Variants in UBR1 observed in about 807,000 individuals in gnomAD.
UBR1 encodes ubiquitin protein ligase E3 component n-recognin 1, also known as E3 ubiquitin-protein ligase UBR1.
UBR1 carries 102 observed loss-of-function variants against 242.1 expected under a neutral mutation model. That is an observed-to-expected ratio of 0.42 (90% confidence interval 0.36 to 0.50). The LOEUF (loss-of-function observed/expected upper bound fraction) is 0.50, where lower values mean the gene tolerates loss of function less well. Among genes scored for constraint, UBR1 ranks in the 20% least tolerant of loss-of-function variants. UBR1 has a pLI of 0.01. For synonymous variants in UBR1, 675 were observed against 684.8 expected (o/e 0.99, Z 0.22); for missense variants, 1,772 against 2,101.8 (o/e 0.84, Z 3.07).
intron 44 of UBR1, 77 bp downstream of exon 44, chr15:42,957,936 T>C: frequency 1.7e-6 from 2 of 1,204,712 alleles, no homozygotes; most frequent in South Asian, 2.6e-5. Flanking sequence ...AGGAAGTGTG[T>C]TAGTTATGGC....
intron 5 of UBR1, among the ~76,000 whole-genome samples, chr15:43,069,281 A>ATT (rs772816969): frequency 1.4e-5 from 2 of 142,842 alleles, no homozygotes; most frequent in Non-Finnish European, 3.1e-5. Context: ...TGTGTTCAGT[A>ATT]TTTTTTTTTT....
chr15:43,027,875 C>CACAGAGAGGTGGAAGT, intron 21 of UBR1, 47 bp from the exon 22 acceptor site: 1 of 1,432,986 alleles, frequency 7.0e-7, no homozygotes, highest in Non-Finnish European at 9.8e-7. Context: ...ATAATGACTT[C>CACAGAGAGGTGGAAGT]CACCTCTCTG....
chr15:43,019,819 T>C (rs1228935619), intron 27 of UBR1, among the ~76,000 whole-genome samples: 2 of 151,004 alleles, frequency 1.3e-5, no homozygotes, highest in Non-Finnish European at 3.0e-5. Context: ...TTGGCCAGGC[T>C]GGTCTTGAAC....
intron 32 of UBR1, among the ~76,000 whole-genome samples, chr15:42,999,968 G>GT (rs923106805): frequency 1.3e-4 from 19 of 151,926 alleles, no homozygotes; most frequent in East Asian, 1.9e-4. Context: ...GACCTAAGAA[G>GT]TTTTTTTTGT....
intron 17 of UBR1, 96 bp downstream of exon 17, chr15:43,037,677 C>T (rs2033354819): frequency 1.0e-6 from 1 of 1,000,144 alleles, no homozygotes; most frequent in Non-Finnish European, 1.6e-6. Flanking sequence ...GTAACATACA[C>T]TCAGTAAAAT....
At chr15:42,972,648 G>A (rs1261255240) in intron 39 of UBR1, among the ~76,000 whole-genome samples, 1 of 152,166 alleles carries the variant, frequency 6.6e-6, no homozygotes, top group Non-Finnish European at 1.5e-5. Flanking sequence ...TGAGATTACA[G>A]GTGTGAGTCA....
chr15:42,968,567 G>A (rs980593885), intron 40 of UBR1, among the ~76,000 whole-genome samples: 2 of 151,862 alleles, frequency 1.3e-5, no homozygotes, highest in African/African-American at 2.4e-5. Flanking sequence ...CGTGCAGAAC[G>A]TGCAGGTTTG....
At chr15:42,978,911 T>C (rs1159435393) in intron 37 of UBR1, among the ~76,000 whole-genome samples, 2 of 149,274 alleles carry the variant, frequency 1.3e-5, no homozygotes, top group Non-Finnish European at 3.0e-5. Context: ...TTTTTTTTTT[T>C]TCGAGATGGA....
At chr15:42,981,168 G>A (rs1231782780) in intron 37 of UBR1, among the ~76,000 whole-genome samples, 1 of 151,692 alleles carries the variant, frequency 6.6e-6, no homozygotes, top group African/African-American at 2.4e-5. Flanking sequence ...TGTCCACAAC[G>A]TTTCAAAAAA....
At chr15:43,035,647 C>T (rs1031978042) in intron 19 of UBR1, among the ~76,000 whole-genome samples, 4 of 149,454 alleles carry the variant, frequency 2.7e-5, no homozygotes, top group Non-Finnish European at 1.5e-5. Context: ...TCCCATTTGT[C>T]AATTTTGTCT....
intron 46 of UBR1, among the ~76,000 whole-genome samples, chr15:42,947,381 G>T (rs1400112729): frequency 6.6e-6 from 1 of 152,146 alleles, no homozygotes; most frequent in Non-Finnish European, 1.5e-5. Flanking sequence ...TACAAGACAG[G>T]GATGCCCTCT....
chr15:42,984,925 C>T lies in UBR1; in HGVS notation c.4015G>A (p.Glu1339Lys). 1.2e-6 allele frequency: 2 copies of T among 1,610,640 alleles called. No individual in the cohort carries two copies. Among genetic ancestry groups the T allele is most frequent in the Non-Finnish European group, 1.7e-6 (2 of 1,177,796 alleles). The change falls in exon 36 of 47, where the codon GAA (glutamate) becomes AAA (lysine). Residue 1339 changes from glutamate (E) to lysine (K), a missense_variant. Glu to Lys is a moderately conservative substitution (Grantham distance 56). Transcript: ENST00000290650. ...IQAIENLLGDEGKPLFGALQN... is the reference protein window; with the variant it reads ...IQAIENLLGDKGKPLFGALQN... ...AGTGCTCCAAACAGAGGTTTTCCTT[C>T]ATCTCCCAATAGATTTTCTCAAAGA...
intron 21 of UBR1, among the ~76,000 whole-genome samples, chr15:43,028,621 T>C (rs919262069): frequency 6.6e-6 from 1 of 151,194 alleles, no homozygotes; most frequent in Non-Finnish European, 1.5e-5. Context: ...GGTGCGCGCC[T>C]GTAGTCCTAG....
intron 1 of UBR1, among the ~76,000 whole-genome samples, chr15:43,090,573 T>C (rs904071071): frequency 1.3e-5 from 2 of 152,056 alleles, no homozygotes; most frequent in Non-Finnish European, 1.5e-5. Context: ...ATATCTAATG[T>C]TCTATGTTAT....
chr15:43,058,378 A>G lies in UBR1; in HGVS notation c.1145T>C (p.Met382Thr). The G allele has an allele frequency of 6.2e-7, 1 of 1,611,008 alleles. No individual in the cohort carries two copies. Among genetic ancestry groups the G allele is most frequent in the South Asian group, 1.1e-5 (1 of 90,134 alleles). The stretch of plus-strand genomic sequence containing the variant: ...CATAGCAAAGAGTTTTTTGTATTCC[A>G]TCTCCATAAAAAAACTGCTGAAGAT... The part of the protein sequence containing the change: ...ELIFSSFFME[M>T]EYKKLFAMEF... Residue 382 changes from methionine (M) to threonine (T), a missense_variant, in exon 10 of 47, where the codon ATG becomes ACG. Around this residue, in one of 3 missense-constraint regions of UBR1, gnomAD observed 734 missense variants for 893.3 expected, o/e 0.82. Transcript: ENST00000290650.
intron 5 of UBR1, among the ~76,000 whole-genome samples, chr15:43,068,586 CAA>C: frequency 1.3e-5 from 2 of 151,822 alleles, no homozygotes; most frequent in East Asian, 3.9e-4. Context: ...ATATTACTTT[CAA>C]AAGTCTCAGT....
At chr15:43,002,458 C>A (rs915579190) in intron 32 of UBR1, 97 bp downstream of exon 32, 2 of 1,384,298 alleles carry the variant, frequency 1.4e-6, no homozygotes, top group African/African-American at 2.9e-5. Context: ...TGAGCTCTGG[C>A]AATCCGCCCA....
At chr15:42,977,079 C>T (rs1725430250) in intron 38 of UBR1, among the ~76,000 whole-genome samples, 1 of 151,962 alleles carries the variant, frequency 6.6e-6, no homozygotes, top group African/African-American at 2.4e-5. Context: ...ATAGGTTATC[C>T]CTTTGCTGTG....
At chr15:43,047,628 A>C (rs2033502207) in intron 13 of UBR1, among the ~76,000 whole-genome samples, 1 of 152,214 alleles carries the variant, frequency 6.6e-6, no homozygotes, top group Admixed American at 6.5e-5. Context: ...AGAAGCTAAC[A>C]AGTGAAGATA....
Sources: allele counts gnomAD v4.1 joint callset (sites outside exome capture counted in the v4.1 genomes callset), GRCh38; gene constraint gnomAD v4.1.1; regional missense constraint gnomAD v4.1.1; transcripts MANE v1.5; gene names NCBI Gene and HGNC (gene_info 2026-07-23, HGNC 2026-07-21).